The following AGO2 variants were observed in gnomAD, a reference collection of about 807,000 sequenced individuals.
AGO2 encodes the protein argonaute RISC catalytic component 2, also known as protein argonaute-2.
Under a neutral mutation model 102.3 loss-of-function variants are expected in AGO2, and 5 were observed. The observed-to-expected ratio is 0.05, with a 90% confidence interval of 0.03 to 0.10. The LOEUF (loss-of-function observed/expected upper bound fraction) is 0.10. Ranked by LOEUF, AGO2 falls within the 10% of genes least tolerant of loss-of-function variation. The probability of loss-of-function intolerance (pLI) is 1.00; values close to 1 mark genes in which losing one functional copy is unlikely to be tolerated. For missense variants in AGO2, 541 were observed against 1,183.7 expected (o/e 0.46, Z 7.97); for synonymous variants, 449 against 473.1 (o/e 0.95, Z 0.66).
At chr8:140,556,390 C>T in intron 8 of AGO2, 104 bp from the exon 9 acceptor site, 2 of 1,432,844 alleles carry the variant, frequency 1.4e-6, no homozygotes, top group South Asian at 2.6e-5. Flanking sequence ...TTGGGACCGT[C>T]TCTGCCTCAT....
In AGO2 at chr8:140,612,220, C is replaced by CAAAAA. The variant is rs542472147; in HGVS notation, c.22+23260_22+23264dup. Among the ~76,000 whole-genome samples, 7 of 95,960 alleles carry CAAAAA rather than the reference C, an allele frequency of 7.3e-5. 1 individual carries two copies. Among genetic ancestry groups the CAAAAA allele is most frequent in the African/African-American group, 1.3e-4 (3 of 23,444 alleles). The allele number at this position is 95,960 out of a possible 152,430, so 63.0% of individuals were successfully genotyped here. A position where few individuals can be genotyped will look rare whatever the true frequency, so the allele number is the denominator to read the frequency against. ...CCTGGCCAAGAGCGAGACTCTGTCT[C>CAAAAA]AAAAAAAAAAAAAAAAAAAAAAAAA... On this transcript the variant is annotated intron_variant, in intron 1 of 18. Coordinates refer to ENST00000220592, the MANE Select transcript of AGO2 (RefSeq NM_012154.5).
At chr8:140,542,197 A>AC (rs1398774460) in intron 14 of AGO2, among the ~76,000 whole-genome samples, 2 of 152,164 alleles carry the variant, frequency 1.3e-5, no homozygotes, top group African/African-American at 4.8e-5. Context: ...CATGGAGGGA[A>AC]CCGGGTAGAT....
chr8:140,564,500 T>C (rs769967636), intron 3 of AGO2, among the ~76,000 whole-genome samples: 60 of 152,342 alleles, frequency 3.9e-4, no homozygotes, highest in East Asian at 2.9e-3. Context: ...ACCCCTGAGA[T>C]AGCAAGACCA....
In AGO2 at chr8:140,526,649, C is replaced by A. The variant is rs1475561935; in HGVS notation, c.*5395G>T. On this transcript the variant is annotated 3_prime_UTR_variant, in exon 19 of 19. Transcript: ENST00000220592. This position sits in a 1 kb window ranked among gnomAD's most constrained non-coding sequence, Gnocchi z 5.2. ...AATCTATTGAGAATTCAGAGGTAGC[C>A]TTTATCTGCATTTTTTTTTAAACTA... The A allele has an allele frequency of 2.0e-5, 3 of 152,274 alleles. No homozygotes were observed. Among genetic ancestry groups the A allele is most frequent in the East Asian group, 3.9e-4 (2 of 5,190 alleles). 9.4% of individuals were successfully genotyped at this position (152,274 alleles called of 1,614,324 possible).
chr8:140,558,686 G>A (rs1042939954), intron 6 of AGO2, 114 bp from the exon 7 acceptor site: 4 of 1,134,980 alleles, frequency 3.5e-6, no homozygotes, highest in Non-Finnish European at 5.2e-6. Flanking sequence ...GTTATGGGGG[G>A]CTGCAGGGCT....
chr8:140,641,841 C>T, the AGO2 span, among the ~76,000 whole-genome samples: 2 of 152,106 alleles, frequency 1.3e-5, no homozygotes, highest in Non-Finnish European at 1.5e-5. Flanking sequence ...AAGTGCCGGG[C>T]TTACAGGCAT....
intron 12 of AGO2, among the ~76,000 whole-genome samples, chr8:140,548,796 G>A (rs902185474): frequency 3.3e-5 from 5 of 152,170 alleles, no homozygotes; most frequent in African/African-American, 9.7e-5. Context: ...CGCTCTGTGC[G>A]TTAAACAAAC....
chr8:140,610,027 CTAAA>C (rs2074055497), intron 1 of AGO2, among the ~76,000 whole-genome samples: 1 of 56,014 alleles, frequency 1.8e-5, no homozygotes, highest in Admixed American at 2.4e-4. Flanking sequence ...GACCTTGACT[CTAAA>C]AAAAAAAAAA....
chr8:140,627,193 TC>T (rs1387181105), intron 1 of AGO2, among the ~76,000 whole-genome samples: 1 of 152,208 alleles, frequency 6.6e-6, no homozygotes, highest in Admixed American at 6.5e-5. Flanking sequence ...CACGGGAGGA[TC>T]CTTTCACTAT....
intron 2 of AGO2, among the ~76,000 whole-genome samples, chr8:140,577,153 A>G (rs2073478199): frequency 1.4e-5 from 2 of 146,998 alleles, no homozygotes; most frequent in African/African-American, 5.0e-5. Context: ...GCTTGCAGTG[A>G]GCCGAGATCA....
chr8:140,568,697 G>A (rs2073332044), intron 3 of AGO2, among the ~76,000 whole-genome samples: 1 of 152,210 alleles, frequency 6.6e-6, no homozygotes, highest in Non-Finnish European at 1.5e-5. Flanking sequence ...CTCTCGAAAG[G>A]CAGATCACTG....
intron 1 of AGO2, among the ~76,000 whole-genome samples, chr8:140,630,113 G>A (rs577274595): frequency 8.3e-4 from 127 of 152,270 alleles, no homozygotes; most frequent in African/African-American, 2.9e-3. Flanking sequence ...CCACACTCAC[G>A]CCCATCAGAT....
Position 140,555,002 on chromosome 8 carries a change from G to C in AGO2, c.1269+894C>G, listed in dbSNP as rs369613357. Among the ~76,000 whole-genome samples the C allele has an allele frequency of 3.3e-5, 5 of 152,206 alleles. No homozygotes were observed. In the East Asian group the frequency reaches 7.7e-4, roughly 23 times the overall value. On this transcript the variant is annotated intron_variant, in intron 10 of 18. Transcript: ENST00000220592. Reference sequence around the variant, plus strand: ...GCTCAGAACCCATATTTTAAAATAAGACAAGAAAAACAAACAAACAAACAA... The same window carrying C: ...GCTCAGAACCCATATTTTAAAATAACACAAGAAAAACAAACAAACAAACAA...
At position 140,567,623 on chromosome 8, in the gene AGO2, T is replaced by C. The variant is rs911048791; in HGVS notation, c.337-4989A>G. 2.6e-5 allele frequency among the ~76,000 whole-genome samples: 4 copies of C among 152,092 alleles called. No homozygotes were observed. The highest frequency in any genetic ancestry group is 1.9e-4 in the East Asian group (1 of 5,186). On this transcript the variant is annotated intron_variant, in intron 3 of 18. Coordinates refer to ENST00000220592, the MANE Select transcript of AGO2 (RefSeq NM_012154.5). This position sits in a 1 kb window ranked among gnomAD's most constrained non-coding sequence, Gnocchi z 5.0. ...TGGCCCAACTGCCATTTTCTGAACATGGATAATAGAAAATGTCAGCCCAGG... is the reference window on the plus strand; with the variant it reads ...TGGCCCAACTGCCATTTTCTGAACACGGATAATAGAAAATGTCAGCCCAGG...
At chr8:140,617,686 C>T (rs934236543) in intron 1 of AGO2, among the ~76,000 whole-genome samples, 1 of 152,190 alleles carries the variant, frequency 6.6e-6, no homozygotes, top group Non-Finnish European at 1.5e-5. Context: ...AGGAGCCCAC[C>T]CTCTGATCTG....
At chr8:140,552,016 A>C (rs1446767959) in intron 10 of AGO2, among the ~76,000 whole-genome samples, 1 of 152,194 alleles carries the variant, frequency 6.6e-6, no homozygotes, top group Non-Finnish European at 1.5e-5. Flanking sequence ...GATGGGAGCT[A>C]AGCCAGGAGG....
At chr8:140,628,906 G>A (rs941378558) in intron 1 of AGO2, among the ~76,000 whole-genome samples, 2 of 149,710 alleles carry the variant, frequency 1.3e-5, no homozygotes, top group Non-Finnish European at 3.0e-5. Flanking sequence ...GGGCAACATG[G>A]CAAAATCCCA....
chr8:140,558,222 C>T (rs546408981), intron 7 of AGO2, among the ~76,000 whole-genome samples: 2 of 152,368 alleles, frequency 1.3e-5, no homozygotes, highest in South Asian at 2.1e-4. Flanking sequence ...ACCCTTCTCT[C>T]CTCTGTGAGG....
At chr8:140,613,148 C>T (rs2074102362) in intron 1 of AGO2, among the ~76,000 whole-genome samples, 3 of 151,960 alleles carry the variant, frequency 2.0e-5, no homozygotes, top group South Asian at 4.2e-4. Flanking sequence ...TGCAGTGAGC[C>T]GAGATAGCGC....
Sources: allele counts gnomAD v4.1 joint callset (sites outside exome capture counted in the v4.1 genomes callset), GRCh38; gene constraint gnomAD v4.1.1; non-coding constraint Gnocchi (gnomAD v3.1); transcripts MANE v1.5; gene names NCBI Gene and HGNC (gene_info 2026-07-23, HGNC 2026-07-21).